The following GUCY1B1 variants were observed in gnomAD, a reference collection of about 807,000 sequenced individuals.
GUCY1B1 encodes guanylate cyclase soluble subunit beta-1.
Under a neutral mutation model 71.0 loss-of-function variants are expected in GUCY1B1, and 43 were observed. The ratio of observed to expected loss-of-function variants is 0.61; its 90% confidence interval spans 0.47 to 0.78. The LOEUF (loss-of-function observed/expected upper bound fraction) is 0.78, where lower values mean the gene tolerates loss of function less well. Ranked by LOEUF, GUCY1B1 falls within the 30% of genes least tolerant of loss-of-function variation. GUCY1B1 has a pLI of 0.00. For missense variants in GUCY1B1, 535 were observed against 754.1 expected (o/e 0.71, Z 3.40); for synonymous variants, 266 against 259.7 (o/e 1.02, Z -0.23).
rs1462385387 is a variant in GUCY1B1 at position 155,796,526 on chromosome 4, T to C, written c.977+16T>C. Reference sequence around the variant, plus strand: ...GTTCACCAAGGTAATCATTTTTAGATTAATTATAGTGGCTATCAGTACCTA... The same window carrying C: ...GTTCACCAAGGTAATCATTTTTAGACTAATTATAGTGGCTATCAGTACCTA... On this transcript the variant is annotated intron_variant, in intron 8 of 13. Coordinates refer to ENST00000264424, the MANE Select transcript of GUCY1B1 (RefSeq NM_000857.5). 3 of 1,569,116 alleles carry C rather than the reference T, an allele frequency of 1.9e-6. No individual in the cohort carries two copies. Among genetic ancestry groups the C allele is most frequent in the Non-Finnish European group, 2.6e-6 (3 of 1,142,570 alleles).
At chr4:155,786,590 C>T (rs1334793854) in intron 4 of GUCY1B1, among the ~76,000 whole-genome samples, 2 of 150,818 alleles carry the variant, frequency 1.3e-5, no homozygotes, top group South Asian at 4.2e-4. Context: ...CTGCCTCAGC[C>T]TCCTGAGTGG....
rs79819758 is a variant in GUCY1B1, at chr4:155,788,372, G to C, written c.298-1342G>C. Among the ~76,000 whole-genome samples the C allele has an allele frequency of 7.5e-3, 1,143 of 152,256 alleles. 11 individuals carry two copies. The highest frequency in any genetic ancestry group is 0.013 in the Admixed American group (204 of 15,290). On this transcript the variant is annotated intron_variant, in intron 4 of 13. Coordinates refer to ENST00000264424, the MANE Select transcript of GUCY1B1 (RefSeq NM_000857.5). ...AGTCTCCTACATCTCAGAACCAGTC[G>C]CATGGTGTTGAATCCTTCTCATACT...
intron 2 of GUCY1B1, among the ~76,000 whole-genome samples, chr4:155,763,026 CA>C (rs1489675103): frequency 2.0e-5 from 3 of 151,818 alleles, no homozygotes; most frequent in Admixed American, 6.6e-5. Context: ...TAAGTAATGA[CA>C]AAAAAATTAT....
chr4:155,768,609 C>A (rs1737504497), intron 2 of GUCY1B1, among the ~76,000 whole-genome samples: 1 of 151,588 alleles, frequency 6.6e-6, no homozygotes, highest in South Asian at 2.1e-4. Context: ...GGGTTAGGCA[C>A]CAGTAATTAC....
In GUCY1B1 at chr4:155,802,341, G is replaced by A. The variant is rs1186801013; in HGVS notation, c.1176-1G>A. The A allele has an allele frequency of 1.9e-6, 3 of 1,613,772 alleles. No individual in the cohort carries two copies. Among genetic ancestry groups the A allele is most frequent in the Non-Finnish European group, 2.5e-6 (3 of 1,179,816 alleles). On this transcript the variant is annotated splice_acceptor_variant, in intron 9 of 13. Coordinates refer to ENST00000264424, the MANE Select transcript of GUCY1B1 (RefSeq NM_000857.5). LOFTEE classifies it high-confidence loss of function. This position sits in a 1 kb window ranked among gnomAD's most constrained non-coding sequence, Gnocchi z 4.3. ...GGCTTTCTGCTGATCCCACTGAACAGATTGCTGTATTCTGTCCTTCCTCCG... is the reference window on the plus strand; with the variant it reads ...GGCTTTCTGCTGATCCCACTGAACAAATTGCTGTATTCTGTCCTTCCTCCG...
intron 2 of GUCY1B1, 39 bp downstream of exon 2, chr4:155,759,899 GC>G: frequency 6.7e-7 from 1 of 1,498,380 alleles, no homozygotes; most frequent in Non-Finnish European, 9.3e-7. Context: ...CCAGGTCGGC[GC>G]CCAGTGTGGG....
intron 4 of GUCY1B1, among the ~76,000 whole-genome samples, chr4:155,782,650 T>TA (rs765791948): frequency 6.6e-6 from 1 of 152,134 alleles, no homozygotes; most frequent in Non-Finnish European, 1.5e-5. Flanking sequence ...TTGCGGGAGG[T>TA]AAAATTCTCT....
At position 155,759,048 on chromosome 4, in the gene GUCY1B1, C is replaced by T; in HGVS notation, c.-93C>T. ...TCCAGCTCGATGCTGCCTCCCCGGC[C>T]CGGTTGCGCTGTAGCCGCTGCCGCC... is the stretch of plus-strand genomic sequence containing the variant. On this transcript the variant is annotated 5_prime_UTR_variant, in exon 1 of 14. Coordinates refer to ENST00000264424, the MANE Select transcript of GUCY1B1 (RefSeq NM_000857.5). 7.5e-7 allele frequency: 1 copy of T among 1,340,120 alleles called. No individual in the cohort carries two copies. The highest frequency in any genetic ancestry group is 1.2e-5 in the South Asian group (1 of 80,216). The allele number at this position is 1,340,120 out of a possible 1,614,324, so 83.0% of individuals were successfully genotyped here.
chr4:155,782,392 A>G (rs957238762), intron 4 of GUCY1B1, among the ~76,000 whole-genome samples: 1 of 152,200 alleles, frequency 6.6e-6, no homozygotes, highest in Non-Finnish European at 1.5e-5. Flanking sequence ...CCTGGCTGCT[A>G]TAGTCAATTT....
At chr4:155,789,964 T>C in intron 5 of GUCY1B1, 53 bp downstream of exon 5, 1 of 1,159,626 alleles carries the variant, frequency 8.6e-7, no homozygotes, top group East Asian at 2.4e-5. Flanking sequence ...AAAAATATTT[T>C]AAATGACACT....
chr4:155,804,826 T>C (rs1740208445), intron 12 of GUCY1B1, 79 bp downstream of exon 12: 1 of 1,329,012 alleles, frequency 7.5e-7, no homozygotes, highest in Non-Finnish European at 1.1e-6. Flanking sequence ...CTGAGAGATT[T>C]TGTTGCTTTA....
intron 1 of GUCY1B1, chr4:155,759,370 C>T: frequency 1.8e-6 from 1 of 556,172 alleles, no homozygotes; most frequent in East Asian, 3.3e-5. Context: ...GTTTGCCGCT[C>T]CACACCGCAG....
intron 2 of GUCY1B1, among the ~76,000 whole-genome samples, chr4:155,768,330 T>C (rs1737475647): frequency 6.6e-6 from 1 of 152,142 alleles, no homozygotes; most frequent in Non-Finnish European, 1.5e-5. Context: ...TGTGAAGTTA[T>C]AAGAAATGTT....
In GUCY1B1 at chr4:155,794,030, G is replaced by C; in HGVS notation, c.670G>C (p.Asp224His). 3 of 1,613,292 alleles carry C rather than the reference G, an allele frequency of 1.9e-6. No homozygotes were observed. The highest frequency in any genetic ancestry group is 2.5e-6 in the Non-Finnish European group (3 of 1,179,390). Residue 224 changes from aspartate (D) to histidine (H), a missense_variant, in exon 6 of 14, where the codon GAC becomes CAC. Transcript: ENST00000264424. ...CKAFPFHIIFDRDLVVTQCGN... is the reference protein window; with the variant it reads ...CKAFPFHIIFHRDLVVTQCGN... ...AGCTTTTCCTTTTCATATAATATTT[G>C]ACCGGGACCTAGTGGTCACTCAGTG...
At chr4:155,789,610 G>A in intron 4 of GUCY1B1, 104 bp from the exon 5 acceptor site, 1 of 664,682 alleles carries the variant, frequency 1.5e-6, no homozygotes, top group East Asian at 2.5e-5. Context: ...TCGCTGATCT[G>A]CCCACTAGAC....
Position 155,796,450 on chromosome 4 carries a change from T to A in GUCY1B1, c.917T>A (p.Leu306His). Residue 306 changes from leucine to histidine, a missense_variant, in exon 8 of 14, where the codon CTC (leucine) becomes CAC (histidine). Leu to His is a moderately conservative substitution (Grantham distance 99, BLOSUM62 -3). Transcript: ENST00000264424. ...GGGACTGAGATCAGCTGCTTACGTCTCAAGGGTCAAATGATCTACTTACCT... is the reference window on the plus strand; with the variant it reads ...GGGACTGAGATCAGCTGCTTACGTCACAAGGGTCAAATGATCTACTTACCT... The part of the protein sequence containing the change: ...LTGTEISCLR[L>H]KGQMIYLPEA... 1 of 1,611,680 alleles carries A rather than the reference T, an allele frequency of 6.2e-7. No homozygotes were observed. The highest frequency in any genetic ancestry group is 8.5e-7 in the Non-Finnish European group (1 of 1,177,788).
intron 2 of GUCY1B1, among the ~76,000 whole-genome samples, chr4:155,771,311 C>T (rs1255404264): frequency 6.6e-6 from 1 of 152,110 alleles, no homozygotes; most frequent in Non-Finnish European, 1.5e-5. Flanking sequence ...GATAAGGGAG[C>T]TTATTTTAAT....
intron 4 of GUCY1B1, among the ~76,000 whole-genome samples, chr4:155,778,361 C>A (rs1053780033): frequency 6.6e-6 from 1 of 152,116 alleles, no homozygotes; most frequent in Non-Finnish European, 1.5e-5. Flanking sequence ...ATTTGTGAGA[C>A]CCTCTTCTTG....
intron 5 of GUCY1B1, among the ~76,000 whole-genome samples, chr4:155,791,088 A>T (rs1002560354): frequency 1.3e-5 from 2 of 151,994 alleles, no homozygotes; most frequent in Non-Finnish European, 2.9e-5. Flanking sequence ...CTGGTATTCA[A>T]TCAAAATAGT....
Sources: allele counts gnomAD v4.1 joint callset (sites outside exome capture counted in the v4.1 genomes callset), GRCh38; gene constraint gnomAD v4.1.1; non-coding constraint Gnocchi (gnomAD v3.1); transcripts MANE v1.5; gene names NCBI Gene and HGNC (gene_info 2026-07-23, HGNC 2026-07-21).